The following FAM13C variants were observed in gnomAD, a reference collection of about 807,000 sequenced individuals.
FAM13C encodes the protein family with sequence similarity 13 member C.
FAM13C carries 37 observed loss-of-function variants against 73.2 expected under a neutral mutation model. That is an observed-to-expected ratio of 0.51 (90% CI 0.39 to 0.67). The LOEUF (loss-of-function observed/expected upper bound fraction) is 0.67, where lower values mean the gene tolerates loss of function less well. Among genes scored for constraint, FAM13C ranks in the 30% least tolerant of loss-of-function variants. The pLI is 0.00. For synonymous variants in FAM13C, 246 were observed against 260.9 expected (o/e 0.94, Z 0.55); for missense variants, 589 against 715.6 (o/e 0.82, Z 2.02).
At chr10:59,297,642 G>T (rs1358859596) in intron 5 of FAM13C, among the ~76,000 whole-genome samples, 1 of 151,990 alleles carries the variant, frequency 6.6e-6, no homozygotes, top group African/African-American at 2.4e-5. Context: ...TCAGTTCCAG[G>T]GTTCCTTCCA....
intron 4 of FAM13C, among the ~76,000 whole-genome samples, chr10:59,305,778 G>T (rs1234071833): frequency 2.6e-5 from 4 of 152,216 alleles, no homozygotes; most frequent in Non-Finnish European, 5.9e-5. Context: ...GTGGGAGAGA[G>T]CCTAAGGCTC....
At chr10:59,340,565 T>G (rs1256771472) in intron 3 of FAM13C, among the ~76,000 whole-genome samples, 1 of 152,122 alleles carries the variant, frequency 6.6e-6, no homozygotes, top group Non-Finnish European at 1.5e-5. Context: ...AAGAACCAAC[T>G]GCTGAGTCCC....
intron 6 of FAM13C, 21 bp from the exon 7 acceptor site, chr10:59,270,130 A>T: frequency 6.2e-7 from 1 of 1,608,328 alleles, no homozygotes; most frequent in Non-Finnish European, 8.5e-7. Flanking sequence ...GAGACAAATC[A>T]TCAAGACTTA....
At chr10:59,264,510 A>G (rs1842828733) in intron 8 of FAM13C, among the ~76,000 whole-genome samples, 1 of 152,166 alleles carries the variant, frequency 6.6e-6, no homozygotes, top group Non-Finnish European at 1.5e-5. Flanking sequence ...CAGGTCACCC[A>G]CAGCCCATAT....
At chr10:59,358,365 G>A (rs951716963) in intron 1 of FAM13C, among the ~76,000 whole-genome samples, 4 of 152,096 alleles carry the variant, frequency 2.6e-5, no homozygotes, top group African/African-American at 7.2e-5. Flanking sequence ...GCAACAGAGT[G>A]AGACTCTGTC....
intron 3 of FAM13C, among the ~76,000 whole-genome samples, chr10:59,334,544 G>A (rs7905758): frequency 1.2e-4 from 19 of 152,168 alleles, no homozygotes; most frequent in African/African-American, 3.4e-4. Flanking sequence ...TTAAGAAAAC[G>A]TGCCACATAT....
At position 59,264,713 on chromosome 10, in the gene FAM13C, A is replaced by G. The variant is rs1589382478; in HGVS notation, c.943-547T>C. On this transcript the variant is annotated intron_variant, in intron 8 of 13. Transcript: ENST00000618804. ...AAAGAAAGGAGACTCCGGAATCTCTAAAACCTGACAATATTCCCGAGAAGT... is the reference window on the plus strand; with the variant it reads ...AAAGAAAGGAGACTCCGGAATCTCTGAAACCTGACAATATTCCCGAGAAGT... Among the ~76,000 whole-genome samples the G allele has an allele frequency of 2.0e-5, 3 of 152,304 alleles. No individual in the cohort carries two copies. The South Asian group carries it at 6.2e-4, about 32-fold the overall frequency.
chr10:59,287,336 CAAAAAAAAAAAA>C (rs58759332), intron 5 of FAM13C, among the ~76,000 whole-genome samples: 10 of 73,808 alleles, frequency 1.4e-4, no homozygotes, highest in South Asian at 7.9e-4. Flanking sequence ...GACTCTGTCT[CAAAAAAAAAAAA>C]AAAAAAAAAA....
At chr10:59,294,178 T>TA (rs1379652953) in intron 5 of FAM13C, among the ~76,000 whole-genome samples, 1 of 152,144 alleles carries the variant, frequency 6.6e-6, no homozygotes, top group Non-Finnish European at 1.5e-5. Flanking sequence ...CAAAAAGCAA[T>TA]AAAAACTACA....
intron 4 of FAM13C, among the ~76,000 whole-genome samples, chr10:59,311,860 A>C (rs1848966945): frequency 6.6e-6 from 1 of 152,128 alleles, no homozygotes; most frequent in African/African-American, 2.4e-5. Flanking sequence ...CTACCAAGTA[A>C]CACACCTGTT....
At chr10:59,330,098 T>C (rs1454668128) in intron 3 of FAM13C, among the ~76,000 whole-genome samples, 1 of 152,228 alleles carries the variant, frequency 6.6e-6, no homozygotes, top group East Asian at 1.9e-4. Flanking sequence ...TATAATTCAA[T>C]AGGCCCAAAC....
intron 4 of FAM13C, among the ~76,000 whole-genome samples, chr10:59,304,810 GAA>G: frequency 2.0e-5 from 2 of 98,600 alleles, no homozygotes; most frequent in African/African-American, 7.2e-5. Flanking sequence ...GAAGGGAAGG[GAA>G]GGAAAGGGGA....
intron 3 of FAM13C, among the ~76,000 whole-genome samples, chr10:59,351,220 T>TA (rs1854990588): frequency 6.6e-6 from 1 of 150,494 alleles, no homozygotes; most frequent in African/African-American, 2.4e-5. Flanking sequence ...TAGTCCCAGC[T>TA]AATAGGGGAG....
intron 4 of FAM13C, among the ~76,000 whole-genome samples, chr10:59,310,059 T>G (rs1034798529): frequency 1.3e-5 from 2 of 152,292 alleles, no homozygotes; most frequent in African/African-American, 4.8e-5. Context: ...TTTGAACCCA[T>G]GACCTAGAAA....
At chr10:59,304,839 G>A (rs1564554218) in intron 4 of FAM13C, among the ~76,000 whole-genome samples, 1 of 116,986 alleles carries the variant, frequency 8.5e-6, no homozygotes, top group Admixed American at 8.8e-5. Flanking sequence ...GGGGGCGGGG[G>A]AGGGGGAGGG....
At chr10:59,357,256 C>A (rs187600431) in intron 1 of FAM13C, among the ~76,000 whole-genome samples, 80 of 152,246 alleles carry the variant, frequency 5.3e-4, no homozygotes, top group African/African-American at 1.9e-3. Flanking sequence ...ATGCCAAGTT[C>A]CTACTTTAAC....
At chr10:59,331,681 GGTAGA>G (rs1188175560) in intron 3 of FAM13C, among the ~76,000 whole-genome samples, 2 of 152,136 alleles carry the variant, frequency 1.3e-5, no homozygotes, top group African/African-American at 2.4e-5. Context: ...TAGTTAGAAA[GGTAGA>G]GCATCCCAAG....
intron 4 of FAM13C, among the ~76,000 whole-genome samples, chr10:59,319,072 AACACACACACACACACACACACACAC>A (rs59965630): frequency 2.2e-5 from 3 of 134,658 alleles, no homozygotes; most frequent in East Asian, 2.1e-4. Context: ...TAGCTATTCA[AACACACACACACACACACACACACAC>A]ACACACACAC....
In FAM13C at chr10:59,247,375, T is replaced by C. The variant is rs1386307092; in HGVS notation, c.*239A>G. On this transcript the variant is annotated 3_prime_UTR_variant, in exon 14 of 14. Transcript: ENST00000618804. ...CTTGTATTGACTATGAGTTTTCTGC[T>C]TGGCATGGAGGACACTGAATTTTTT... is the stretch of plus-strand genomic sequence containing the variant. 2.1e-6 allele frequency: 1 copy of C among 484,076 alleles called. No individual in the cohort carries two copies. Among genetic ancestry groups the C allele is most frequent in the Admixed American group, 4.0e-5 (1 of 24,964 alleles). The allele number at this position is 484,076 out of a possible 1,614,324, so 30.0% of individuals were successfully genotyped here.
Sources: gnomAD v4.1 joint callset for allele counts (sites outside exome capture counted in the v4.1 genomes callset) on GRCh38, gnomAD v4.1.1 for gene constraint, MANE v1.5 for transcripts, NCBI Gene and HGNC (gene_info 2026-07-23, HGNC 2026-07-21) for gene names.